Variants in RPRD1A observed in about 807,000 individuals in gnomAD.
The protein encoded by RPRD1A is regulation of nuclear pre-mRNA domain containing 1A, also known as regulation of nuclear pre-mRNA domain-containing protein 1A.
A neutral mutation model predicts 37.8 loss-of-function variants in RPRD1A; 9 were observed. The observed-to-expected ratio is 0.24, with a 90% CI of 0.14 to 0.42. The LOEUF (loss-of-function observed/expected upper bound fraction) is 0.42. Among genes scored for constraint, RPRD1A ranks in the 10% least tolerant of loss-of-function variants. RPRD1A has a pLI of 1.00. For synonymous variants in RPRD1A, 138 were observed against 139.7 expected (o/e 0.99, Z 0.08); for missense variants, 255 against 371.0 (o/e 0.69, Z 2.57).
chr18:36,013,343 G>A (rs896109996), intron 6 of RPRD1A, among the ~76,000 whole-genome samples: 3 of 152,062 alleles, frequency 2.0e-5, no homozygotes, highest in Admixed American at 2.0e-4. Context: ...AGGAAAATGA[G>A]AAAAGTGAGG....
chr18:36,029,569 C>T (rs898683979), intron 4 of RPRD1A, among the ~76,000 whole-genome samples: 2 of 151,236 alleles, frequency 1.3e-5, no homozygotes, highest in Non-Finnish European at 2.9e-5. Flanking sequence ...CTTTATCTGT[C>T]CCGCCTACAT....
chr18:36,005,363 TAATG>T (rs137884300), intron 6 of RPRD1A, among the ~76,000 whole-genome samples: 2,483 of 152,164 alleles, frequency 0.016, 32 homozygotes, highest in Non-Finnish European at 0.024. Flanking sequence ...AAAGAAAACA[TAATG>T]AAACAAAATA....
chr18:35,997,384 T>A (rs1038674884), intron 6 of RPRD1A, among the ~76,000 whole-genome samples: 6 of 152,126 alleles, frequency 3.9e-5, no homozygotes, highest in Admixed American at 3.3e-4. Context: ...AACTGATGAA[T>A]GAAATGTCAA....
intron 1 of RPRD1A, 55 bp from the exon 2 acceptor site, chr18:36,033,892 C>G: frequency 1.4e-6 from 2 of 1,450,534 alleles, no homozygotes; most frequent in South Asian, 2.5e-5. Context: ...CTTGGACAAA[C>G]TTTCTCAATA....
At chr18:36,017,138 T>A (rs112938371) in intron 6 of RPRD1A, among the ~76,000 whole-genome samples, 9 of 152,110 alleles carry the variant, frequency 5.9e-5, no homozygotes, top group African/African-American at 1.9e-4. Flanking sequence ...GGTGAAACAC[T>A]GTCTCTACAA....
At chr18:36,042,029 G>C (rs760942214) in intron 1 of RPRD1A, among the ~76,000 whole-genome samples, 1 of 152,182 alleles carries the variant, frequency 6.6e-6, no homozygotes, top group Non-Finnish European at 1.5e-5. Context: ...AGCCTTTGAA[G>C]ATTTTCTATT....
rs776052941 is a variant in RPRD1A at position 36,033,740 on chromosome 18, T to C, written c.249A>G (p.Pro83=). 1.2e-6 allele frequency: 2 copies of C among 1,613,370 alleles called. No individual in the cohort carries two copies. The highest frequency in any genetic ancestry group is 1.1e-5 in the South Asian group (1 of 90,986). Residue 83 remains proline, a synonymous_variant, in exon 2 of 7, where the codon CCA becomes CCG. Transcript: ENST00000399022. ...CATGCTTAAAAGCCTCCACTATAAC[T>C]GGTGCAAAATCTTTTGTAAACTCTG... ...KGPEFTKDFA[P]VIVEAFKHVS... is the part of the protein sequence containing the mutation.
chr18:36,064,838 C>T (rs2088992884), intron 1 of RPRD1A, among the ~76,000 whole-genome samples: 1 of 152,140 alleles, frequency 6.6e-6, no homozygotes, highest in African/African-American at 2.4e-5. Context: ...GTCCCTGCCG[C>T]CTTTATGAGC....
chr18:35,993,032 G>A lies in RPRD1A; in HGVS notation c.*119C>T, dbSNP rs76226971. 2.0e-3 allele frequency: 1,605 copies of A among 792,016 alleles called. 14 individuals are homozygous for A. In the African/African-American group the frequency reaches 0.022, roughly 11 times the overall value. The allele number at this position is 792,016 out of a possible 1,614,324, so 49.1% of individuals were successfully genotyped here. A position where few individuals can be genotyped will look rare whatever the true frequency, so the allele number is the denominator to read the frequency against. ...TTTTAAACAATTTTATAAATTACTC[G>A]TTGTTCCTTTTGTTAGTGTTTCTTT... On this transcript the variant is annotated 3_prime_UTR_variant, in exon 7 of 7. Coordinates refer to ENST00000399022, the MANE Select transcript of RPRD1A (RefSeq NM_018170.5).
intron 6 of RPRD1A, among the ~76,000 whole-genome samples, chr18:36,023,093 T>C (rs1382801459): frequency 2.0e-5 from 3 of 152,256 alleles, no homozygotes; most frequent in Admixed American, 2.0e-4. Context: ...AAGAGCAATT[T>C]TGACATTCAA....
At chr18:36,026,384 T>C (rs1469360035) in intron 6 of RPRD1A, 2 of 152,736 alleles carry the variant, frequency 1.3e-5, no homozygotes, top group African/African-American at 4.8e-5. Flanking sequence ...GATTTCTCAT[T>C]AGCGGTATTA....
At chr18:35,993,343 A>G in intron 6 of RPRD1A, 43 bp from the exon 7 acceptor site, 1 of 1,607,486 alleles carries the variant, frequency 6.2e-7, no homozygotes, top group Non-Finnish European at 8.5e-7. Flanking sequence ...GGGATTGAAA[A>G]AACTTCCTAG....
intron 1 of RPRD1A, among the ~76,000 whole-genome samples, chr18:36,037,882 T>C (rs1008878566): frequency 6.6e-6 from 1 of 152,070 alleles, no homozygotes; most frequent in Non-Finnish European, 1.5e-5. Context: ...CTGTGGAACT[T>C]TGAGGTTAAA....
At position 36,045,674 on chromosome 18, in the gene RPRD1A, C is replaced by T. The variant is rs150895863; in HGVS notation, c.152-11837G>A. ...GAATTAGACATTCGCAACTTTGCAA[C>T]CTGATGAAATGATGGGTCTAAGTAA... is the stretch of plus-strand genomic sequence containing the variant. On this transcript the variant is annotated intron_variant, in intron 1 of 6. Transcript: ENST00000399022. Among the ~76,000 whole-genome samples, 8 of 152,278 alleles carry T rather than the reference C, an allele frequency of 5.3e-5. No homozygotes were observed. In the East Asian group the frequency reaches 1.5e-3, roughly 29 times the overall value.
At chr18:36,035,622 A>G (rs1912132726) in intron 1 of RPRD1A, among the ~76,000 whole-genome samples, 1 of 152,248 alleles carries the variant, frequency 6.6e-6, no homozygotes. Context: ...CAAAACAAAA[A>G]GTAGCAACTG....
At chr18:36,047,715 G>C (rs73946761) in intron 1 of RPRD1A, among the ~76,000 whole-genome samples, 3,810 of 152,234 alleles carry the variant, frequency 0.025, 170 homozygotes, top group African/African-American at 0.085. Context: ...ATATAAATTT[G>C]ACAACTTAGA....
intron 6 of RPRD1A, among the ~76,000 whole-genome samples, chr18:36,002,921 A>T (rs1401781659): frequency 6.6e-6 from 1 of 152,230 alleles, no homozygotes; most frequent in East Asian, 1.9e-4. Context: ...TTTATTAAAT[A>T]GCCCTTACAC....
chr18:35,998,372 ATG>A (rs1909215971), intron 6 of RPRD1A, among the ~76,000 whole-genome samples: 1 of 152,144 alleles, frequency 6.6e-6, no homozygotes, highest in Non-Finnish European at 1.5e-5. Flanking sequence ...AAAAAAAAAA[ATG>A]TAACTATTAA....
intron 6 of RPRD1A, among the ~76,000 whole-genome samples, chr18:36,002,523 C>A (rs572335164): frequency 6.6e-6 from 1 of 152,300 alleles, no homozygotes; most frequent in South Asian, 2.1e-4. Context: ...GATCCTCCCA[C>A]CTAAGCCTCC....
Sources: gnomAD v4.1 joint callset for allele counts (sites outside exome capture counted in the v4.1 genomes callset) on GRCh38, gnomAD v4.1.1 for gene constraint, MANE v1.5 for transcripts, NCBI Gene and HGNC (gene_info 2026-07-23, HGNC 2026-07-21) for gene names.